Variants in CNTN5 observed in about 807,000 individuals in gnomAD.
CNTN5 encodes the protein contactin-5.
CNTN5 carries 77 observed loss-of-function variants against 129.1 expected under a neutral mutation model. The ratio of observed to expected loss-of-function variants is 0.60; its 90% CI spans 0.50 to 0.72. CNTN5 has a LOEUF of 0.72. Among genes scored for constraint, CNTN5 ranks in the 30% least tolerant of loss-of-function variants. The probability of loss-of-function intolerance (pLI) is 0.00; values close to 1 mark genes in which losing one functional copy is unlikely to be tolerated. For synonymous variants in CNTN5, 509 were observed against 465.6 expected (o/e 1.09, Z -1.20); for missense variants, 1,478 against 1,328.8 (o/e 1.11, Z -1.75).
chr11:100,133,223 C>A (rs1158855486), intron 13 of CNTN5, among the ~76,000 whole-genome samples: 2 of 152,066 alleles, frequency 1.3e-5, no homozygotes, highest in African/African-American at 4.8e-5. Context: ...GAGTTCAACC[C>A]ATCACCCTTC....
At chr11:100,216,186 G>T (rs1186211021) in intron 15 of CNTN5, among the ~76,000 whole-genome samples, 1 of 152,006 alleles carries the variant, frequency 6.6e-6, no homozygotes. Context: ...CCGTGGCTGG[G>T]CTCTGCTTAT....
chr11:99,378,927 CAAGAT>C (rs1350334075), intron 2 of CNTN5, among the ~76,000 whole-genome samples: 6 of 151,900 alleles, frequency 3.9e-5, no homozygotes, highest in African/African-American at 1.4e-4. Flanking sequence ...ATTAATGAAA[CAAGAT>C]AAGAGCAAGA....
intron 2 of CNTN5, among the ~76,000 whole-genome samples, chr11:99,374,811 G>A (rs1263362689): frequency 6.8e-6 from 1 of 147,972 alleles, no homozygotes; most frequent in African/African-American, 2.4e-5. Flanking sequence ...GTAAATATTG[G>A]TGCCACCAAA....
chr11:99,225,538 C>T (rs1860639193), intron 1 of CNTN5, among the ~76,000 whole-genome samples: 1 of 152,262 alleles, frequency 6.6e-6, no homozygotes, highest in African/African-American at 2.4e-5. Context: ...ATCCGCCTAT[C>T]TGTTGGATAG....
At chr11:99,665,306 T>C (rs978259578) in intron 3 of CNTN5, among the ~76,000 whole-genome samples, 11 of 151,982 alleles carry the variant, frequency 7.2e-5, no homozygotes, top group African/African-American at 2.7e-4. Flanking sequence ...AGCATCTACA[T>C]ATTTAAGGAA....
intron 6 of CNTN5, among the ~76,000 whole-genome samples, chr11:99,882,645 A>T (rs1440079051): frequency 1.3e-5 from 2 of 152,156 alleles, no homozygotes; most frequent in Non-Finnish European, 2.9e-5. Context: ...TAAAATGCCT[A>T]ATAATCATAT....
chr11:99,988,755 G>C (rs186341045), intron 8 of CNTN5, among the ~76,000 whole-genome samples: 207 of 152,220 alleles, frequency 1.4e-3, no homozygotes, highest in Admixed American at 2.3e-3. Flanking sequence ...GTGTGGCTGA[G>C]CTATTACATG....
At chr11:100,029,089 T>C (rs935640255) in intron 9 of CNTN5, among the ~76,000 whole-genome samples, 1 of 151,984 alleles carries the variant, frequency 6.6e-6, no homozygotes, top group African/African-American at 2.4e-5. Flanking sequence ...GAATAAATAT[T>C]GCTCTACCAT....
intron 1 of CNTN5, among the ~76,000 whole-genome samples, chr11:99,194,439 T>C (rs950815168): frequency 2.0e-5 from 3 of 152,018 alleles, no homozygotes; most frequent in African/African-American, 7.2e-5. Context: ...AAGAAAACAA[T>C]GAAATATTAT....
chr11:99,872,849 T>G (rs1383582530), intron 6 of CNTN5, among the ~76,000 whole-genome samples: 1 of 152,138 alleles, frequency 6.6e-6, no homozygotes, highest in Non-Finnish European at 1.5e-5. Flanking sequence ...CTTCTGAATT[T>G]TAAATTGTTA....
At chr11:100,295,658 A>T (rs980248525) in intron 18 of CNTN5, among the ~76,000 whole-genome samples, 1 of 151,416 alleles carries the variant, frequency 6.6e-6, no homozygotes, top group Non-Finnish European at 1.5e-5. Context: ...TAAAACTGTA[A>T]TCTAGAGTTT....
chr11:99,636,961 G>C (rs186966819), intron 3 of CNTN5, among the ~76,000 whole-genome samples: 761 of 38,822 alleles, frequency 0.02, 3 homozygotes, highest in Admixed American at 0.038. Context: ...TGCAGTGAGC[G>C]AAGATCATGC....
intron 9 of CNTN5, among the ~76,000 whole-genome samples, chr11:100,004,709 T>A (rs1365468370): frequency 6.6e-6 from 1 of 152,126 alleles, no homozygotes; most frequent in African/African-American, 2.4e-5. Context: ...CATTGTCATG[T>A]GTAATCCTGA....
At chr11:99,293,604 A>T (rs1321785234) in intron 1 of CNTN5, among the ~76,000 whole-genome samples, 1 of 152,056 alleles carries the variant, frequency 6.6e-6, no homozygotes, top group Non-Finnish European at 1.5e-5. Flanking sequence ...ATTGTTCATT[A>T]TAGTCTGTTC....
chr11:99,235,536 G>A (rs186667608), intron 1 of CNTN5, among the ~76,000 whole-genome samples: 1 of 152,242 alleles, frequency 6.6e-6, no homozygotes, highest in Non-Finnish European at 1.5e-5. Flanking sequence ...AGATGGCTCT[G>A]TAATCATAGT....
chr11:99,705,755 C>T (rs1030740358), intron 3 of CNTN5, among the ~76,000 whole-genome samples: 2 of 151,250 alleles, frequency 1.3e-5, no homozygotes, highest in Admixed American at 6.6e-5. Context: ...GGAGCAGGGG[C>T]GATGGGTTTG....
chr11:99,066,862 G>C (rs2135232742), intron 1 of CNTN5, among the ~76,000 whole-genome samples: 1 of 152,256 alleles, frequency 6.6e-6, no homozygotes, highest in East Asian at 1.9e-4. Context: ...GGGAGGCATA[G>C]ATCTCTTTTG....
rs566725619 is a variant in CNTN5 at position 99,925,940 on chromosome 11, G to A, written c.673+9791G>A. Among the ~76,000 whole-genome samples, 18 of 152,172 alleles carry A rather than the reference G, an allele frequency of 1.2e-4. No individual in the cohort carries two copies. In the South Asian group the frequency reaches 1.5e-3, roughly 12 times the overall value. On this transcript the variant is annotated intron_variant, in intron 7 of 24. Transcript: ENST00000524871. Reference sequence around the variant, plus strand: ...ACCATCATATTTCACCTGGGATTTGGTCTCAGACATCCAGGGATTCTCATC... The same window carrying A: ...ACCATCATATTTCACCTGGGATTTGATCTCAGACATCCAGGGATTCTCATC...
At chr11:99,706,026 T>A (rs528732240) in intron 3 of CNTN5, among the ~76,000 whole-genome samples, 2 of 151,668 alleles carry the variant, frequency 1.3e-5, no homozygotes, top group African/African-American at 2.4e-5. Context: ...AAAATATATA[T>A]TAATCATTTG....
Sources: allele counts gnomAD v4.1 joint callset (sites outside exome capture counted in the v4.1 genomes callset), GRCh38; gene constraint gnomAD v4.1.1; transcripts MANE v1.5; gene names NCBI Gene and HGNC (gene_info 2026-07-23, HGNC 2026-07-21).